Variants in MBD5 observed in about 807,000 individuals in gnomAD.
MBD5 encodes the protein methyl-CpG-binding domain protein 5.
MBD5 carries 13 observed loss-of-function variants against 117.3 expected under a neutral mutation model. That is an observed-to-expected ratio of 0.11 (90% CI 0.07 to 0.18). The LOEUF (loss-of-function observed/expected upper bound fraction) is 0.18, where lower values mean the gene tolerates loss of function less well. Ranked by LOEUF, MBD5 falls within the 10% of genes least tolerant of loss-of-function variation. The probability of loss-of-function intolerance (pLI) is 1.00; values close to 1 mark genes in which losing one functional copy is unlikely to be tolerated. For synonymous variants in MBD5, 727 were observed against 766.4 expected (o/e 0.95, Z 0.85); for missense variants, 1,879 against 2,093.8 (o/e 0.90, Z 2.00).
chr2:148,136,170 T>C (rs1001397727), intron 1 of MBD5, among the ~76,000 whole-genome samples: 1 of 152,196 alleles, frequency 6.6e-6, no homozygotes, highest in African/African-American at 2.4e-5. Context: ...TGGAAAGAAT[T>C]TGTTTAATTT....
At chr2:148,459,783 G>A (rs1490893389) in intron 5 of MBD5, among the ~76,000 whole-genome samples, 1 of 152,130 alleles carries the variant, frequency 6.6e-6, no homozygotes, top group Non-Finnish European at 1.5e-5. Context: ...CTATTTTATG[G>A]CATAATAACT....
At chr2:148,217,024 T>C (rs1424754876) in intron 2 of MBD5, among the ~76,000 whole-genome samples, 1 of 152,234 alleles carries the variant, frequency 6.6e-6, no homozygotes, top group African/African-American at 2.4e-5. Context: ...ACTGCTGTCA[T>C]ACCATAGATT....
intron 1 of MBD5, among the ~76,000 whole-genome samples, chr2:148,108,703 T>TTTTG (rs558167794): frequency 1.3e-5 from 2 of 152,194 alleles, no homozygotes; most frequent in East Asian, 1.9e-4. Flanking sequence ...ATTTAAGAGT[T>TTTTG]TTTGTTTGTT....
At chr2:148,434,467 G>A (rs1252595788) in intron 4 of MBD5, among the ~76,000 whole-genome samples, 2 of 151,660 alleles carry the variant, frequency 1.3e-5, no homozygotes, top group Non-Finnish European at 3.0e-5. Flanking sequence ...GTAATGTCAG[G>A]TTGTTAATTT....
At chr2:148,203,436 G>A (rs572714453) in intron 2 of MBD5, among the ~76,000 whole-genome samples, 24 of 152,236 alleles carry the variant, frequency 1.6e-4, no homozygotes, top group Non-Finnish European at 2.5e-4. Flanking sequence ...TCTAGTGCTC[G>A]CTTGATGTCT....
chr2:148,227,142 C>CT (rs1282559314), intron 2 of MBD5, among the ~76,000 whole-genome samples: 1 of 152,154 alleles, frequency 6.6e-6, no homozygotes, highest in East Asian at 1.9e-4. Flanking sequence ...TCAATTTTGG[C>CT]TTTTGTTGCC....
rs201760732 is a variant in MBD5, at chr2:148,084,457, T to TA, written c.-925+62774dup. On this transcript the variant is annotated intron_variant, in intron 1 of 13. Coordinates refer to ENST00000642680, the MANE Select transcript of MBD5 (RefSeq NM_001378120.1). ...AAATATAGTTTTAAAAATACTTCAG[T>TA]ACAGTGTTTATTGATTTCCAAGTCA... 5.0e-3 allele frequency among the ~76,000 whole-genome samples: 758 copies of TA among 152,348 alleles called. 5 individuals are homozygous for TA. The highest frequency in any genetic ancestry group is 7.2e-3 in the Non-Finnish European group (492 of 68,024).
chr2:148,338,180 A>G (rs1702845846), intron 3 of MBD5, among the ~76,000 whole-genome samples: 1 of 152,200 alleles, frequency 6.6e-6, no homozygotes, highest in Admixed American at 6.5e-5. Context: ...GGAATAAATT[A>G]CCTGAGATAG....
rs145475623 is a variant in MBD5, at chr2:148,489,474, C to T, written c.3842C>T (p.Thr1281Ile). 6.4e-4 allele frequency: 1,041 copies of T among 1,614,206 alleles called. 3 individuals are homozygous for T. The highest frequency in any genetic ancestry group is 8.2e-4 in the Non-Finnish European group (972 of 1,180,042). Residue 1281 changes from threonine to isoleucine, a missense_variant, in exon 11 of 14, where the codon ACA becomes ATA. Thr to Ile is a moderately conservative substitution (Grantham distance 89, BLOSUM62 -1). Transcript: ENST00000642680. ...GCACTTCCTGAGAATCCAAACACTA[C>T]ACTTCCACCTTTTCAAGATACACCT... The part of the protein sequence containing the change: ...LTALPENPNT[T>I]LPPFQDTPCE...
intron 4 of MBD5, among the ~76,000 whole-genome samples, chr2:148,397,167 T>C (rs1704742770): frequency 6.6e-6 from 1 of 152,006 alleles, no homozygotes; most frequent in Non-Finnish European, 1.5e-5. Flanking sequence ...TTTTTAAGTG[T>C]GAGATAGAAA....
At chr2:148,460,532 C>T (rs1014340616) in intron 5 of MBD5, among the ~76,000 whole-genome samples, 5 of 152,206 alleles carry the variant, frequency 3.3e-5, no homozygotes, top group Admixed American at 6.5e-5. Flanking sequence ...TAGCTCCCTG[C>T]TCAATGTGCA....
At chr2:148,136,807 G>C (rs1464838174) in intron 1 of MBD5, among the ~76,000 whole-genome samples, 2 of 151,458 alleles carry the variant, frequency 1.3e-5, no homozygotes, top group Non-Finnish European at 2.9e-5. Context: ...TTGTTGCCCA[G>C]GCTGGAGTGC....
intron 12 of MBD5, among the ~76,000 whole-genome samples, chr2:148,506,628 G>A (rs1682041809): frequency 6.6e-6 from 1 of 152,136 alleles, no homozygotes; most frequent in Non-Finnish European, 1.5e-5. Context: ...TACTCATAGA[G>A]GTGTACCTGG....
At chr2:148,498,895 G>A (rs1199204184) in intron 11 of MBD5, among the ~76,000 whole-genome samples, 3 of 152,136 alleles carry the variant, frequency 2.0e-5, no homozygotes, top group African/African-American at 7.2e-5. Context: ...GTAATGTCTG[G>A]CTTTATGAAT....
intron 7 of MBD5, 101 bp downstream of exon 7, chr2:148,464,020 C>A: frequency 1.7e-6 from 2 of 1,171,016 alleles, no homozygotes; most frequent in Non-Finnish European, 2.4e-6. Context: ...TTTTCAGGCA[C>A]GCACAATGCT....
At chr2:148,271,823 G>T (rs959033889) in intron 3 of MBD5, among the ~76,000 whole-genome samples, 1 of 152,036 alleles carries the variant, frequency 6.6e-6, no homozygotes, top group Non-Finnish European at 1.5e-5. Context: ...AATTGTCATT[G>T]TGTCATAATA....
Position 148,484,086 on chromosome 2 carries a change from C to T in MBD5, c.3495C>T (p.Asn1165=). The change falls in exon 9 of 14, where the codon AAC becomes AAT. Residue 1165 remains asparagine (N), a synonymous_variant. Transcript: ENST00000642680. ...CTGGTCCAGCTAAACTCAACAGTAA[C>T]TCTGTGGTGCCACAGCTACTTAACC... is the stretch of plus-strand genomic sequence containing the variant. The part of the protein sequence containing the change: ...NTPGPAKLNS[N]SVVPQLLNPL... 6.5e-7 allele frequency: 1 copy of T among 1,542,454 alleles called. No homozygotes were observed. The highest frequency in any genetic ancestry group is 8.7e-7 in the Non-Finnish European group (1 of 1,142,962).
intron 1 of MBD5, among the ~76,000 whole-genome samples, chr2:148,106,204 A>G (rs980611372): frequency 3.9e-5 from 6 of 152,024 alleles, no homozygotes; most frequent in South Asian, 2.1e-4. Context: ...TTACCTTTCA[A>G]TTACTGACCT....
rs989243684 is a variant in MBD5, at chr2:148,516,708, A to C, written c.*3767A>C. On this transcript the variant is annotated 3_prime_UTR_variant, in exon 14 of 14. Coordinates refer to ENST00000642680, the MANE Select transcript of MBD5 (RefSeq NM_001378120.1). ...TCTGATATAGAAAAAATATATAAAA[A>C]GCATTATCTTCAAATATGAAAGATT... The C allele has an allele frequency of 6.6e-6, 1 of 152,258 alleles. No individual in the cohort carries two copies. Among genetic ancestry groups the C allele is most frequent in the African/African-American group, 2.4e-5 (1 of 41,476 alleles). 9.4% of individuals were successfully genotyped at this position (152,258 alleles called of 1,614,324 possible). A position where few individuals can be genotyped will look rare whatever the true frequency, so the allele number is the denominator to read the frequency against.
Sources: allele counts gnomAD v4.1 joint callset (sites outside exome capture counted in the v4.1 genomes callset), GRCh38; gene constraint gnomAD v4.1.1; transcripts MANE v1.5; gene names NCBI Gene and HGNC (gene_info 2026-07-23, HGNC 2026-07-21).